The following PDE4D variants were observed in gnomAD, a reference collection of about 807,000 sequenced individuals.
PDE4D encodes phosphodiesterase 4D.
A neutral mutation model predicts 87.4 loss-of-function variants in PDE4D; 24 were observed. The observed-to-expected ratio is 0.27, with a 90% CI of 0.20 to 0.39. The LOEUF is 0.39. Among genes scored for constraint, PDE4D ranks in the 10% least tolerant of loss-of-function variants. The probability of loss-of-function intolerance (pLI) is 1.00; values close to 1 mark genes in which losing one functional copy is unlikely to be tolerated. For missense variants in PDE4D, 714 were observed against 1,041.0 expected (o/e 0.69, Z 4.32); for synonymous variants, 384 against 383.2 (o/e 1.00, Z -0.02).
At chr5:59,432,278 C>T (rs1796217936) in intron 1 of PDE4D, among the ~76,000 whole-genome samples, 1 of 137,024 alleles carries the variant, frequency 7.3e-6, no homozygotes, top group Non-Finnish European at 1.6e-5. Context: ...AATATTAAGT[C>T]AATCATGAAA....
intron 1 of PDE4D, among the ~76,000 whole-genome samples, chr5:59,859,489 G>T (rs771631885): frequency 2.6e-5 from 4 of 152,080 alleles, no homozygotes; most frequent in Non-Finnish European, 5.9e-5. Context: ...TGATAATAAG[G>T]TTAGTAACCC....
intron 6 of PDE4D, among the ~76,000 whole-genome samples, chr5:59,023,930 TCTCA>T (rs1471918071): frequency 6.9e-6 from 1 of 144,938 alleles, no homozygotes. Context: ...TGAGATGGAG[TCTCA>T]CTCAGTCGCC....
At chr5:59,950,814 C>T (rs540374470) in intron 3 of PDE4D, among the ~76,000 whole-genome samples, 3 of 151,890 alleles carry the variant, frequency 2.0e-5, no homozygotes, top group Admixed American at 2.0e-4. Flanking sequence ...CGTTTTATTT[C>T]TGGATAATTT....
intron 1 of PDE4D, among the ~76,000 whole-genome samples, chr5:59,780,831 GAGGC>G (rs1443687058): frequency 2.0e-5 from 3 of 152,202 alleles, no homozygotes; most frequent in Non-Finnish European, 4.4e-5. Context: ...CCTGGAGCCT[GAGGC>G]GAGCCAACCA....
chr5:59,943,777 C>A (rs919929483), intron 3 of PDE4D, among the ~76,000 whole-genome samples: 2 of 152,154 alleles, frequency 1.3e-5, no homozygotes, highest in Non-Finnish European at 2.9e-5. Context: ...TTGTTCCCTG[C>A]CCCTAAGGAA....
chr5:59,546,818 C>T (rs1285037321), intron 1 of PDE4D, among the ~76,000 whole-genome samples: 1 of 152,122 alleles, frequency 6.6e-6, no homozygotes, highest in Non-Finnish European at 1.5e-5. Flanking sequence ...TGAGCAAATC[C>T]TGAATCCAGC....
chr5:59,884,137 C>T (rs1409548776), intron 1 of PDE4D, among the ~76,000 whole-genome samples: 1 of 151,938 alleles, frequency 6.6e-6, no homozygotes, highest in African/African-American at 2.4e-5. Flanking sequence ...ACACCTGTAA[C>T]AGTTTGGTGG....
At chr5:60,361,893 C>T (rs1180022413) in intron 1 of PDE4D, among the ~76,000 whole-genome samples, 1 of 152,138 alleles carries the variant, frequency 6.6e-6, no homozygotes, top group East Asian at 1.9e-4. Context: ...AAATAAAACG[C>T]CAAGATCCTA....
At chr5:59,993,203 C>T (rs1763185364) in intron 2 of PDE4D, among the ~76,000 whole-genome samples, 1 of 152,152 alleles carries the variant, frequency 6.6e-6, no homozygotes, top group Admixed American at 6.5e-5. Context: ...AACACAATCT[C>T]TATGAGTAGG....
At chr5:60,374,864 T>C (rs1375738960) in intron 1 of PDE4D, among the ~76,000 whole-genome samples, 3 of 152,210 alleles carry the variant, frequency 2.0e-5, no homozygotes, top group Non-Finnish European at 4.4e-5. Context: ...CGGTGAAATA[T>C]GCACATATAC....
chr5:59,215,426 C>T, intron 2 of PDE4D: 1 of 255,312 alleles, frequency 3.9e-6, no homozygotes, highest in Non-Finnish European at 7.5e-6. Context: ...AGAAAATATC[C>T]ATGTAGTTAG....
intron 3 of PDE4D, among the ~76,000 whole-genome samples, chr5:59,907,656 A>G (rs1342469971): frequency 6.6e-6 from 1 of 152,172 alleles, no homozygotes; most frequent in Non-Finnish European, 1.5e-5. Context: ...TCATTTATAA[A>G]TAACATTCTC....
At chr5:59,726,540 T>C (rs1289023752) in intron 1 of PDE4D, among the ~76,000 whole-genome samples, 1 of 152,028 alleles carries the variant, frequency 6.6e-6, no homozygotes, top group Non-Finnish European at 1.5e-5. Context: ...GGGCCCCCAA[T>C]AGAACCTAAA....
chr5:59,240,292 A>T (rs530976172), intron 1 of PDE4D, among the ~76,000 whole-genome samples: 4 of 152,292 alleles, frequency 2.6e-5, no homozygotes, highest in Non-Finnish European at 4.4e-5. Flanking sequence ...CCTGGTTTTT[A>T]AAAAAGAGCA....
intron 2 of PDE4D, among the ~76,000 whole-genome samples, chr5:60,009,261 T>C (rs1426855754): frequency 6.6e-6 from 1 of 152,084 alleles, no homozygotes; most frequent in South Asian, 2.1e-4. Context: ...TTATTTAATC[T>C]GATATGCTTT....
At chr5:60,286,611 A>G (rs1057375300) in intron 1 of PDE4D, among the ~76,000 whole-genome samples, 2 of 152,190 alleles carry the variant, frequency 1.3e-5, no homozygotes, top group Non-Finnish European at 2.9e-5. Flanking sequence ...ATAGCTATTT[A>G]AGCATGAAAT....
intron 1 of PDE4D, among the ~76,000 whole-genome samples, chr5:60,289,213 G>C (rs1008797250): frequency 1.3e-5 from 2 of 152,086 alleles, no homozygotes; most frequent in African/African-American, 2.4e-5. Flanking sequence ...ATTTAAATTT[G>C]TTAGTTGCTG....
At chr5:59,381,334 G>C (rs1785800851) in intron 1 of PDE4D, among the ~76,000 whole-genome samples, 1 of 151,950 alleles carries the variant, frequency 6.6e-6, no homozygotes, top group South Asian at 2.1e-4. Flanking sequence ...AGATCAAATC[G>C]CTTTACCCAT....
chr5:60,130,795 A>T (rs1202703659), intron 2 of PDE4D, among the ~76,000 whole-genome samples: 1 of 152,194 alleles, frequency 6.6e-6, no homozygotes, highest in Non-Finnish European at 1.5e-5. Flanking sequence ...TAAATTTCAA[A>T]GATGTAAAAG....
Sources: allele counts gnomAD v4.1 joint callset (sites outside exome capture counted in the v4.1 genomes callset), GRCh38; gene constraint gnomAD v4.1.1; transcripts MANE v1.5; gene names NCBI Gene and HGNC (gene_info 2026-07-23, HGNC 2026-07-21).